The following HAO2 variants were observed in gnomAD, a reference collection of about 807,000 sequenced individuals.
HAO2 encodes the protein hydroxyacid oxidase 2, also known as 2-Hydroxyacid oxidase 2.
A neutral mutation model predicts 37.4 loss-of-function variants in HAO2; 42 were observed. The ratio of observed to expected loss-of-function variants is 1.12; its 90% CI spans 0.88 to 1.45. The LOEUF is 1.45. Among genes scored for constraint, HAO2 ranks in the 40% most tolerant of loss-of-function variants. The pLI is 0.00. For synonymous variants in HAO2, 180 were observed against 162.8 expected, an observed-to-expected ratio of 1.11 and a Z score of -0.81; for missense variants, 476 against 430.2, an observed-to-expected ratio of 1.11 and a Z score of -0.94.
chr1:119,393,794 C>T lies in HAO2; in HGVS notation c.1010C>T (p.Ser337Leu), dbSNP rs902535162. 9 of 1,612,870 alleles carry T rather than the reference C, an allele frequency of 5.6e-6. No individual in the cohort carries two copies. Among genetic ancestry groups the T allele is most frequent in the African/African-American group, 2.7e-5 (2 of 74,808 alleles). ...HTSMALTGCR[S>L]VAEINRNLVQ... ...CACATTGTTCTTTTAGGCTGCCGGT[C>T]GGTCGCTGAGATCAATCGAAACTTG... The change falls in exon 8 of 8, where the codon TCG becomes TTG. Residue 337 changes from serine to leucine, a missense_variant. Coordinates refer to ENST00000325945, the MANE Select transcript of HAO2 (RefSeq NM_016527.4).
intron 1 of HAO2, among the ~76,000 whole-genome samples, chr1:119,375,020 G>C (rs1002740652): frequency 2.6e-5 from 4 of 152,132 alleles, no homozygotes; most frequent in African/African-American, 9.7e-5. Context: ...GCCTAAAGAG[G>C]TTCAAGGAGC....
intron 4 of HAO2, chr1:119,385,587 G>A (rs2101240507): frequency 1.0e-6 from 1 of 983,952 alleles, no homozygotes; most frequent in African/African-American, 1.7e-5. Flanking sequence ...GCACCAGGAT[G>A]CTATAGCACA....
Position 119,386,871 on chromosome 1 carries a change from G to T in HAO2, c.771+40G>T. The T allele has an allele frequency of 3.1e-6, 4 of 1,270,176 alleles. No individual in the cohort carries two copies. The East Asian group carries it at 9.3e-5, about 29-fold the overall frequency. 78.7% of individuals were successfully genotyped at this position (1,270,176 alleles called of 1,614,324 possible). A position where few individuals can be genotyped will look rare whatever the true frequency, so the allele number is the denominator to read the frequency against. On this transcript the variant is annotated intron_variant, in intron 5 of 7. Transcript: ENST00000325945. ...TTCAGAGAAGGGTGTGTTTGTGAGT[G>T]CTGTGTGTGTATGTGTGAGTGTGTC... is the stretch of plus-strand genomic sequence containing the variant.
intron 2 of HAO2, 34 bp from the exon 3 acceptor site, chr1:119,382,881 C>T: frequency 2.5e-6 from 4 of 1,602,946 alleles, no homozygotes; most frequent in East Asian, 4.5e-5. Flanking sequence ...AGAATCATCT[C>T]ACCAACAGAA....
rs1192687719 is a variant in HAO2, at chr1:119,383,065, AG to A, written c.283+1del. 1.9e-6 allele frequency: 3 copies of A among 1,610,548 alleles called. No individual in the cohort carries two copies. Among genetic ancestry groups the A allele is most frequent in the South Asian group, 2.2e-5 (2 of 90,426 alleles). ...WPDGEMSTAR[A>X]AQAAGICYIT... ...CTGATGGGGAAATGAGCACAGCAAG[AG>A]GTATGAACCATCCCCACCTCGAGGC... On this transcript the variant is annotated frameshift_variant and splice_region_variant, in exon 3 of 8. Coordinates refer to ENST00000325945, the MANE Select transcript of HAO2 (RefSeq NM_016527.4). LOFTEE classifies it high-confidence loss of function.
intron 1 of HAO2, chr1:119,380,594 C>T: frequency 1.2e-6 from 1 of 801,996 alleles, no homozygotes; most frequent in Non-Finnish European, 2.1e-6. Context: ...CAGTGAAAAT[C>T]CAGGGCCTAG....
At chr1:119,385,511 G>C (rs1452542020) in intron 4 of HAO2, 1 of 837,402 alleles carries the variant, frequency 1.2e-6, no homozygotes, top group South Asian at 5.5e-5. Context: ...AGACAGGCCA[G>C]GTTCTACCTT....
intron 1 of HAO2, among the ~76,000 whole-genome samples, chr1:119,377,926 G>A (rs1015753548): frequency 6.6e-6 from 1 of 152,192 alleles, no homozygotes; most frequent in African/African-American, 2.4e-5. Flanking sequence ...AATGAGCTGG[G>A]TGTGGTGGCA....
Position 119,382,930 on chromosome 1 carries a change from G to A in HAO2, c.147G>A (p.Pro49=), listed in dbSNP as rs200275622. Residue 49 remains proline, a synonymous_variant, in exon 3 of 8, where the codon CCG becomes CCA. Transcript: ENST00000325945. The stretch of plus-strand genomic sequence containing the variant: ...TCCGGCACAGAATTCGCCTCCGTCC[G>A]CGGTACCTGAGAGATGTGTCTGAGG... The part of the protein sequence containing the change: ...IAAFKRIRLR[P]RYLRDVSEVD... 23 of 1,613,682 alleles carry A rather than the reference G, an allele frequency of 1.4e-5. No individual in the cohort carries two copies. Among genetic ancestry groups the A allele is most frequent in the South Asian group, 3.3e-5 (3 of 91,038 alleles).
intron 1 of HAO2, among the ~76,000 whole-genome samples, chr1:119,377,411 A>T (rs1306486421): frequency 6.6e-6 from 1 of 152,194 alleles, no homozygotes; most frequent in Non-Finnish European, 1.5e-5. Context: ...AATTTTAGTC[A>T]AAGCCATTCA....
chr1:119,368,955 G>A (rs587707869), intron 1 of HAO2, 53 bp downstream of exon 1: 21 of 152,376 alleles, frequency 1.4e-4, no homozygotes, highest in African/African-American at 4.1e-4. Context: ...GTGATGAAGT[G>A]CCAGATAGGA....
chr1:119,378,771 G>A (rs1273053566), intron 1 of HAO2, among the ~76,000 whole-genome samples: 1 of 152,132 alleles, frequency 6.6e-6, no homozygotes, highest in Non-Finnish European at 1.5e-5. Flanking sequence ...TTCTATGAGT[G>A]TGTAATGTAT....
At chr1:119,392,494 C>A in intron 6 of HAO2, 124 bp from the exon 7 acceptor site, 1 of 780,442 alleles carries the variant, frequency 1.3e-6, no homozygotes, top group Admixed American at 1.9e-5. Flanking sequence ...AGGTAATTCT[C>A]ACTTCACAGA....
chr1:119,376,021 A>C (rs1182874897), intron 1 of HAO2, among the ~76,000 whole-genome samples: 1 of 152,190 alleles, frequency 6.6e-6, no homozygotes. Context: ...TCACATTTCA[A>C]AACCAATCAT....
rs1392492431 is a variant in HAO2, at chr1:119,383,080, C to T, written c.283+14C>T. 6.2e-7 allele frequency: 1 copy of T among 1,600,502 alleles called. No homozygotes were observed. Among genetic ancestry groups the T allele is most frequent in the Non-Finnish European group, 8.5e-7 (1 of 1,171,462 alleles). On this transcript the variant is annotated intron_variant, in intron 3 of 7. Coordinates refer to ENST00000325945, the MANE Select transcript of HAO2 (RefSeq NM_016527.4). Reference sequence around the variant, plus strand: ...GCACAGCAAGAGGTATGAACCATCCCCACCTCGAGGCTCCTTTCCGGGAGG... The same window carrying T: ...GCACAGCAAGAGGTATGAACCATCCTCACCTCGAGGCTCCTTTCCGGGAGG...
chr1:119,393,836 T>G lies in HAO2; in HGVS notation c.1052T>G (p.Leu351Arg). Residue 351 changes from leucine (L) to arginine (R), a missense_variant, in exon 8 of 8, where the codon CTG becomes CGG. Physicochemically the swap from Leu to Arg is moderately radical, Grantham distance 102. Transcript: ENST00000325945. ...CGAAACTTGGTCCAGTTTTCCAGGC[T>G]GTAAGAAAAAAGGGCCAATAACCAG... ...INRNLVQFSRL is the reference protein window; with the variant it reads ...INRNLVQFSRR The G allele has an allele frequency of 6.2e-7, 1 of 1,613,088 alleles. No homozygotes were observed. Among genetic ancestry groups the G allele is most frequent in the Non-Finnish European group, 8.5e-7 (1 of 1,179,262 alleles).
At chr1:119,382,779 A>G (rs1015722791) in intron 2 of HAO2, 136 bp from the exon 3 acceptor site, 2 of 736,204 alleles carry the variant, frequency 2.7e-6, no homozygotes, top group African/African-American at 3.5e-5. Flanking sequence ...CTCTCAGCCA[A>G]CTGAACCCAC....
chr1:119,389,284 G>T (rs1423919733), intron 5 of HAO2, among the ~76,000 whole-genome samples: 1 of 147,870 alleles, frequency 6.8e-6, no homozygotes, highest in Non-Finnish European at 1.5e-5. Flanking sequence ...TTCATATAAT[G>T]ACTTCTTTTC....
chr1:119,388,770 G>GT (rs931134152), intron 5 of HAO2, among the ~76,000 whole-genome samples: 3 of 151,792 alleles, frequency 2.0e-5, no homozygotes, highest in African/African-American at 7.3e-5. Flanking sequence ...ATTTATCTGA[G>GT]TTTTTTTAAA....
Sources: allele counts gnomAD v4.1 joint callset (sites outside exome capture counted in the v4.1 genomes callset), GRCh38; gene constraint gnomAD v4.1.1; transcripts MANE v1.5; gene names NCBI Gene and HGNC (gene_info 2026-07-23, HGNC 2026-07-21).